Variants in SLC9A7 observed in about 807,000 individuals in gnomAD.
The protein encoded by SLC9A7 is sodium/hydrogen exchanger 7.
In SLC9A7, 19 loss-of-function variants were observed where a neutral mutation model predicts 52.6. The ratio of observed to expected loss-of-function variants is 0.36; its 90% CI spans 0.25 to 0.53. The LOEUF is 0.53. SLC9A7 is among the 20% of genes least tolerant of loss of function. The pLI is 0.91. For missense variants in SLC9A7, 455 were observed against 597.9 expected (o/e 0.76, Z 2.49); for synonymous variants, 226 against 252.1 (o/e 0.90, Z 0.98).
In SLC9A7 at chrX:46,674,224, A is replaced by C. The variant is rs773486174; in HGVS notation, c.604-1597T>G. Reference sequence around the variant, plus strand: ...GGTAACTCTGAATATAAATTAGATAAATACATATTCATGACATTAGCCAAA... The same window carrying C: ...GGTAACTCTGAATATAAATTAGATACATACATATTCATGACATTAGCCAAA... On this transcript the variant is annotated intron_variant, in intron 3 of 16. Transcript: ENST00000616978. Among the ~76,000 whole-genome samples the C allele has an allele frequency of 5.4e-5, 6 of 111,721 alleles. No individual in the cohort carries two copies. The East Asian group carries it at 1.7e-3, about 31-fold the overall frequency.
chrX:46,714,587 C>A (rs1042132615), intron 1 of SLC9A7, among the ~76,000 whole-genome samples: 2 of 111,231 alleles, frequency 1.8e-5, no homozygotes, highest in Middle Eastern at 9.2e-3. Context: ...TTTTTGAGAT[C>A]CCCGACAAAT....
chrX:46,708,492 T>G, intron 1 of SLC9A7, among the ~76,000 whole-genome samples: 1 of 108,823 alleles, frequency 9.2e-6, no homozygotes, highest in Non-Finnish European at 1.9e-5. Flanking sequence ...ATCGCACCAC[T>G]GCACTCCAGC....
chrX:46,661,384 A>G (rs1177994591), intron 7 of SLC9A7, among the ~76,000 whole-genome samples: 1 of 110,858 alleles, frequency 9.0e-6, no homozygotes, highest in Non-Finnish European at 1.9e-5. Context: ...ATAATAAAAA[A>G]AAAGAAAAAA....
At chrX:46,753,854 C>G (rs1463367442) in intron 1 of SLC9A7, among the ~76,000 whole-genome samples, 1 of 109,636 alleles carries the variant, frequency 9.1e-6, no homozygotes, top group Non-Finnish European at 1.9e-5. Flanking sequence ...GGCATGGTGG[C>G]GGGTGCCTGT....
chrX:46,650,526 C>T (rs1943564079), intron 10 of SLC9A7, among the ~76,000 whole-genome samples: 1 of 109,716 alleles, frequency 9.1e-6, no homozygotes, highest in Non-Finnish European at 1.9e-5. Flanking sequence ...AAGAGTCTTT[C>T]CCACCATGAT....
At chrX:46,702,521 G>A (rs1007890190) in intron 1 of SLC9A7, among the ~76,000 whole-genome samples, 2 of 111,644 alleles carry the variant, frequency 1.8e-5, no homozygotes, top group East Asian at 5.6e-4. Flanking sequence ...TGTTACAGGT[G>A]AGAACATGCA....
chrX:46,753,810 C>T (rs782240400), intron 1 of SLC9A7, among the ~76,000 whole-genome samples: 12 of 109,496 alleles, frequency 1.1e-4, no homozygotes, highest in Admixed American at 5.9e-4. Flanking sequence ...GGTGAAACCC[C>T]GTCTCTACTA....
intron 1 of SLC9A7, among the ~76,000 whole-genome samples, chrX:46,730,659 A>G (rs1298075837): frequency 1.4e-4 from 6 of 41,946 alleles, no homozygotes; most frequent in Non-Finnish European, 2.5e-4. Flanking sequence ...GACTGTCTCA[A>G]AAAAAAAAAA....
chrX:46,753,374 T>C (rs1922376798), intron 1 of SLC9A7, among the ~76,000 whole-genome samples: 1 of 111,950 alleles, frequency 8.9e-6, no homozygotes. Flanking sequence ...ATTACATACA[T>C]CATGTTTGTG....
intron 1 of SLC9A7, among the ~76,000 whole-genome samples, chrX:46,742,934 C>A (rs1409467045): frequency 9.1e-6 from 1 of 110,004 alleles, no homozygotes; most frequent in Non-Finnish European, 1.9e-5. Context: ...CACCTGTAAT[C>A]CCAACTACTC....
chrX:46,671,355 G>T (rs1215498258), intron 4 of SLC9A7, among the ~76,000 whole-genome samples: 1 of 110,451 alleles, frequency 9.1e-6, no homozygotes, highest in East Asian at 2.8e-4. Flanking sequence ...CCGCCTCCCG[G>T]GTTCATGCTA....
intron 1 of SLC9A7, among the ~76,000 whole-genome samples, chrX:46,692,143 A>T (rs1308238548): frequency 9.0e-6 from 1 of 111,398 alleles, no homozygotes; most frequent in African/African-American, 3.3e-5. Flanking sequence ...TCATGGAGCT[A>T]GCAACCTTAC....
chrX:46,630,987 G>C (rs920785072), intron 14 of SLC9A7, among the ~76,000 whole-genome samples: 1 of 112,557 alleles, frequency 8.9e-6, no homozygotes, highest in African/African-American at 3.2e-5. Context: ...ATTCCTGTCA[G>C]AAGTCCTTGT....
chrX:46,622,407 G>A (rs777452203), intron 14 of SLC9A7, among the ~76,000 whole-genome samples: 8 of 111,837 alleles, frequency 7.2e-5, no homozygotes, highest in South Asian at 7.5e-4. Flanking sequence ...TTTTTTGATA[G>A]GCAAATATAT....
intron 1 of SLC9A7, among the ~76,000 whole-genome samples, chrX:46,739,104 G>A (rs1271913398): frequency 1.8e-5 from 2 of 111,905 alleles, no homozygotes; most frequent in African/African-American, 6.5e-5. Context: ...CAAAATAGCT[G>A]ATGTGAGGTT....
chrX:46,665,562 A>AAAAAAAAAAAAAAAAAAG lies in SLC9A7; in HGVS notation c.794-2937_794-2920dup, dbSNP rs1185396282. ...GACAGAGTAAGACTCCATCTCAAAA[A>AAAAAAAAAAAAAAAAAAG]AAAAAAAAAAAAAAAAAGAAATTGT... On this transcript the variant is annotated intron_variant, in intron 5 of 16. Transcript: ENST00000616978. Among the ~76,000 whole-genome samples the AAAAAAAAAAAAAAAAAAG allele has an allele frequency of 7.0e-3, 738 of 105,300 alleles. 7 individuals carry two copies. The highest frequency in any genetic ancestry group is 0.028 in the East Asian group (86 of 3,056). The allele number at this position is 105,300 out of a possible 115,157, so 91.4% of individuals were successfully genotyped here. A position where few individuals can be genotyped will look rare whatever the true frequency, so the allele number is the denominator to read the frequency against.
chrX:46,633,342 A>AAAAAAG, intron 13 of SLC9A7, among the ~76,000 whole-genome samples: 1 of 63,436 alleles, frequency 1.6e-5, no homozygotes, highest in Non-Finnish European at 2.7e-5. Context: ...CTGCTAAAAA[A>AAAAAAG]AAAAAAAAAA....
In SLC9A7 at chrX:46,758,843, C is replaced by T; in HGVS notation, c.187G>A (p.Ala63Thr). The part of the protein sequence containing the change: ...AMEELATEKE[A>T]EESHRQDSVS... ...CTGTCTTGCCGGTGGCTCTCCTCCGCCTCCTTCTCAGTAGCGAGCTCCTCC... is the reference window on the plus strand; with the variant it reads ...CTGTCTTGCCGGTGGCTCTCCTCCGTCTCCTTCTCAGTAGCGAGCTCCTCC... The change falls in exon 1 of 17, where the codon GCG (alanine) becomes ACG (threonine). Residue 63 changes from alanine to threonine, a missense_variant. Physicochemically the swap from Ala to Thr is moderately conservative, Grantham distance 58 (BLOSUM62 0). This residue lies in a region of SLC9A7 where 304 missense variants were observed against 417.8 expected (regional missense o/e 0.73). Coordinates refer to ENST00000616978, the MANE Select transcript of SLC9A7 (RefSeq NM_001257291.2). The T allele has an allele frequency of 1.7e-6, 2 of 1,206,652 alleles. No individual in the cohort carries two copies. The highest frequency in any genetic ancestry group is 2.2e-6 in the Non-Finnish European group (2 of 893,461).
In SLC9A7 at chrX:46,684,045, A is replaced by G. The variant is rs1046723774; in HGVS notation, c.326-1510T>C. The stretch of plus-strand genomic sequence containing the variant: ...TGTGTTGTGTTATTATAATTATTAT[A>G]GACCCATATTAACAGATACTTGCAG... On this transcript the variant is annotated intron_variant, in intron 1 of 16. Transcript: ENST00000616978. 5.3e-5 allele frequency among the ~76,000 whole-genome samples: 6 copies of G among 112,354 alleles called. No individual in the cohort carries two copies. In the East Asian group the frequency reaches 1.7e-3, roughly 31 times the overall value.
Sources: allele counts gnomAD v4.1 joint callset (sites outside exome capture counted in the v4.1 genomes callset), GRCh38; gene constraint gnomAD v4.1.1; regional missense constraint gnomAD v4.1.1; transcripts MANE v1.5; gene names NCBI Gene and HGNC (gene_info 2026-07-23, HGNC 2026-07-21).